Variants in SAMD12 observed in about 807,000 individuals in gnomAD.
The protein encoded by SAMD12 is sterile alpha motif domain containing 12.
SAMD12 carries 9 observed loss-of-function variants against 15.0 expected under a neutral mutation model. The ratio of observed to expected loss-of-function variants is 0.60; its 90% CI spans 0.36 to 1.05. The LOEUF is 1.05. SAMD12 is among the 50% of genes least tolerant of loss of function. The pLI is 0.01. For synonymous variants in SAMD12, 86 were observed against 90.1 expected, an observed-to-expected ratio of 0.96 and a Z score of 0.25; for missense variants, 230 against 234.2, an observed-to-expected ratio of 0.98 and a Z score of 0.12.
chr8:118,395,123 T>C (rs970256302), intron 3 of SAMD12: 3 of 152,212 alleles, frequency 2.0e-5, no homozygotes, highest in African/African-American at 7.2e-5. Flanking sequence ...TCCTGGCACA[T>C]AATATAAATT....
intron 2 of SAMD12, among the ~76,000 whole-genome samples, chr8:118,473,418 C>T (rs752675670): frequency 3.9e-5 from 6 of 152,274 alleles, no homozygotes; most frequent in South Asian, 2.1e-4. Context: ...CTTAAAAACA[C>T]GGCACAGTCC....
intron 4 of SAMD12, among the ~76,000 whole-genome samples, chr8:118,366,674 T>A (rs146931809): frequency 2.6e-5 from 4 of 151,658 alleles, no homozygotes; most frequent in African/African-American, 9.7e-5. Context: ...TAGCTGGGCG[T>A]GGTGGCACAT....
rs543656840 is a variant in SAMD12, at chr8:118,300,678, G to T, written c.433+78882C>A. ...CCAGATCAGTGGCTCAGCAATCAGT[G>T]TTCCAACAAGCCCTTCAGGCGATTC... On this transcript the variant is annotated intron_variant, in intron 4 of 4. Coordinates refer to the SAMD12 transcript ENST00000409003. Among the ~76,000 whole-genome samples the T allele has an allele frequency of 3.3e-5, 5 of 152,334 alleles. No individual in the cohort carries two copies. The East Asian group carries it at 9.6e-4, about 29-fold the overall frequency.
At chr8:118,296,523 A>G (rs1814723131) in intron 4 of SAMD12, among the ~76,000 whole-genome samples, 1 of 152,156 alleles carries the variant, frequency 6.6e-6, no homozygotes. Flanking sequence ...TGGATTGTAA[A>G]TTCCCCGAAG....
At chr8:118,136,628 T>C in the SAMD12 span, among the ~76,000 whole-genome samples, 2,707 of 152,300 alleles carry the variant, frequency 0.018, 108 homozygotes, top group African/African-American at 0.06. Context: ...GCAAGTTTCC[T>C]TTAACCTTTG....
chr8:118,194,022 G>C (rs931194651), exon 5 of SAMD12: 4 of 152,222 alleles, frequency 2.6e-5, no homozygotes, highest in African/African-American at 9.6e-5. Flanking sequence ...AGTGCTAAGG[G>C]GGGTATTAAA....
At chr8:118,614,693 T>C (rs1323037374) in intron 1 of SAMD12, among the ~76,000 whole-genome samples, 3 of 152,172 alleles carry the variant, frequency 2.0e-5, no homozygotes, top group Non-Finnish European at 2.9e-5. Flanking sequence ...GAACAAAACT[T>C]GCCAATAGCC....
At chr8:118,137,928 T>TC in the SAMD12 span, among the ~76,000 whole-genome samples, 3 of 150,730 alleles carry the variant, frequency 2.0e-5, no homozygotes, top group Admixed American at 6.6e-5. Context: ...GAGAAAGCAT[T>TC]TTTTTTTTTT....
chr8:118,541,732 A>G (rs1405537257), intron 2 of SAMD12, among the ~76,000 whole-genome samples: 1 of 152,242 alleles, frequency 6.6e-6, no homozygotes, highest in African/African-American at 2.4e-5. Flanking sequence ...TTTATAATTT[A>G]CCCATGACCA....
At chr8:118,515,587 A>G (rs1825219174) in intron 2 of SAMD12, among the ~76,000 whole-genome samples, 1 of 152,168 alleles carries the variant, frequency 6.6e-6, no homozygotes, top group African/African-American at 2.4e-5. Context: ...CCAGAGCCTG[A>G]CATACTCAAG....
intron 4 of SAMD12, among the ~76,000 whole-genome samples, chr8:118,305,789 G>A (rs1815316208): frequency 6.6e-6 from 1 of 152,066 alleles, no homozygotes. Flanking sequence ...TTCCTTCTTT[G>A]CCTACTCTGT....
chr8:118,340,247 A>G (rs184166239), intron 4 of SAMD12, among the ~76,000 whole-genome samples: 10 of 152,342 alleles, frequency 6.6e-5, no homozygotes, highest in Admixed American at 6.5e-4. Context: ...AGACTCATCC[A>G]TGTCAAAGAT....
At chr8:118,375,151 G>T (rs1819319511), downstream of SAMD12, among the ~76,000 whole-genome samples, 1 of 152,078 alleles carries the variant, frequency 6.6e-6, no homozygotes, top group Non-Finnish European at 1.5e-5. Context: ...AATATGCAAT[G>T]AACTCTATTA....
chr8:118,471,603 C>A (rs1586744282), intron 2 of SAMD12, among the ~76,000 whole-genome samples: 1 of 152,256 alleles, frequency 6.6e-6, no homozygotes, highest in East Asian at 1.9e-4. Context: ...TGGTAAAAAT[C>A]CCTTTGCAAA....
intron 2 of SAMD12, among the ~76,000 whole-genome samples, chr8:118,463,094 C>A (rs1823479789): frequency 1.0e-5 from 1 of 96,768 alleles, no homozygotes; most frequent in Non-Finnish European, 1.9e-5. Context: ...GAGCGAAACT[C>A]CGTCTCAAAA....
chr8:118,418,867 T>TA (rs1821855128), intron 3 of SAMD12, among the ~76,000 whole-genome samples: 1 of 152,204 alleles, frequency 6.6e-6, no homozygotes, highest in Non-Finnish European at 1.5e-5. Context: ...GTTTTTCCAT[T>TA]GTTTCTAGTC....
intron 2 of SAMD12, among the ~76,000 whole-genome samples, chr8:118,551,529 G>A (rs183473210): frequency 4.6e-4 from 70 of 152,216 alleles, no homozygotes; most frequent in African/African-American, 1.6e-3. Flanking sequence ...TCAAAGCAGT[G>A]TGTAGAGGGA....
chr8:118,142,863 G>T, the SAMD12 span, among the ~76,000 whole-genome samples: 1 of 152,204 alleles, frequency 6.6e-6, no homozygotes, highest in Non-Finnish European at 1.5e-5. Context: ...GAAGAAGAGT[G>T]AGGGAAGGGA....
chr8:118,504,983 T>C (rs12674772), intron 2 of SAMD12, among the ~76,000 whole-genome samples: 34,777 of 152,164 alleles, frequency 0.23, 4,200 homozygotes, highest in South Asian at 0.42. Flanking sequence ...AGTTTTAGGA[T>C]GATCTGGCCA....
Sources: allele counts gnomAD v4.1 joint callset (sites outside exome capture counted in the v4.1 genomes callset), GRCh38; gene constraint gnomAD v4.1.1; transcripts MANE v1.5; gene names NCBI Gene and HGNC (gene_info 2026-07-23, HGNC 2026-07-21).